NXPH1: variants seen among roughly 807,000 people sequenced by gnomAD.
NXPH1 encodes neurexophilin 1.
NXPH1 carries 5 observed loss-of-function variants against 23.7 expected under a neutral mutation model. The ratio of observed to expected loss-of-function variants is 0.21; its 90% confidence interval spans 0.11 to 0.44. NXPH1 has a LOEUF of 0.44. Ranked by LOEUF, NXPH1 falls within the 20% of genes least tolerant of loss-of-function variation. The probability of loss-of-function intolerance (pLI) is 0.99; values close to 1 mark genes in which losing one functional copy is unlikely to be tolerated. For synonymous variants in NXPH1, 144 were observed against 122.2 expected (o/e 1.18, Z -1.18); for missense variants, 324 against 321.6 (o/e 1.01, Z -0.06).
chr7:8,506,779 A>G (rs191317633), intron 2 of NXPH1, among the ~76,000 whole-genome samples: 2 of 152,174 alleles, frequency 1.3e-5, no homozygotes, highest in East Asian at 1.9e-4. Context: ...GTGAGGGCCA[A>G]TGCAGCAGAG....
intron 2 of NXPH1, among the ~76,000 whole-genome samples, chr7:8,693,197 A>G (rs1043569906): frequency 2.0e-5 from 3 of 152,174 alleles, no homozygotes; most frequent in African/African-American, 7.2e-5. Context: ...CAAAAACAAA[A>G]AAAACAAACC....
rs117229550 is a variant in NXPH1 at position 8,576,285 on chromosome 7, G to A, written c.54+140518G>A. 3.3e-4 allele frequency among the ~76,000 whole-genome samples: 51 copies of A among 152,278 alleles called. No individual in the cohort carries two copies. In the East Asian group the frequency reaches 9.7e-3, roughly 29 times the overall value. On this transcript the variant is annotated intron_variant, in intron 2 of 2. Transcript: ENST00000405863. ...TGTTGGGCACTGGGAGCACAATAAT[G>A]ACCAAAGTAGTCATCATCCATGCCC...
intron 2 of NXPH1, among the ~76,000 whole-genome samples, chr7:8,735,706 G>A (rs921482844): frequency 2.6e-5 from 4 of 152,156 alleles, no homozygotes; most frequent in African/African-American, 9.7e-5. Context: ...CATTTCAGAA[G>A]GAATGGTACC....
intron 2 of NXPH1, among the ~76,000 whole-genome samples, chr7:8,658,145 T>C (rs1820611246): frequency 6.6e-6 from 1 of 152,240 alleles, no homozygotes; most frequent in African/African-American, 2.4e-5. Context: ...GACCAGTATT[T>C]AGTGACTTCG....
At chr7:8,646,767 A>C (rs1820405262) in intron 2 of NXPH1, among the ~76,000 whole-genome samples, 2 of 152,110 alleles carry the variant, frequency 1.3e-5, no homozygotes, top group Non-Finnish European at 2.9e-5. Flanking sequence ...GACCCCAAAC[A>C]GTCCCTCTAT....
At chr7:8,640,247 C>T (rs1347249287) in intron 2 of NXPH1, among the ~76,000 whole-genome samples, 2 of 151,926 alleles carry the variant, frequency 1.3e-5, no homozygotes, top group African/African-American at 4.8e-5. Context: ...ATTTTAAATG[C>T]TTCTAAAGTT....
At chr7:8,717,937 A>G (rs1779904933) in intron 2 of NXPH1, among the ~76,000 whole-genome samples, 1 of 151,568 alleles carries the variant, frequency 6.6e-6, no homozygotes, top group South Asian at 2.1e-4. Context: ...ATGCATGTGT[A>G]TACATATACA....
At chr7:8,659,498 T>G (rs1056185902) in intron 2 of NXPH1, among the ~76,000 whole-genome samples, 2 of 152,016 alleles carry the variant, frequency 1.3e-5, no homozygotes, top group Non-Finnish European at 2.9e-5. Flanking sequence ...AACCAAACAC[T>G]GCATGTTCTC....
intron 2 of NXPH1, among the ~76,000 whole-genome samples, chr7:8,446,986 C>G (rs899210475): frequency 2.0e-5 from 3 of 151,978 alleles, no homozygotes; most frequent in African/African-American, 4.8e-5. Flanking sequence ...AGTGCCGTGA[C>G]TTATCAACTG....
chr7:8,583,318 A>C (rs1005725800), intron 2 of NXPH1, among the ~76,000 whole-genome samples: 3 of 152,212 alleles, frequency 2.0e-5, no homozygotes, highest in African/African-American at 7.2e-5. Flanking sequence ...AGAGTGTCTG[A>C]GTTTGAATCC....
intron 2 of NXPH1, among the ~76,000 whole-genome samples, chr7:8,733,610 A>G (rs944671122): frequency 3.3e-5 from 5 of 151,654 alleles, no homozygotes; most frequent in African/African-American, 1.2e-4. Context: ...GTGGTTTTTA[A>G]TTTGCATTTC....
intron 2 of NXPH1, among the ~76,000 whole-genome samples, chr7:8,678,971 C>T (rs189068117): frequency 0.014 from 989 of 73,046 alleles, no homozygotes; most frequent in Middle Eastern, 0.044. Context: ...TTTGTTGAGA[C>T]GGAGTCTCGC....
chr7:8,587,416 G>A (rs1819001231), intron 2 of NXPH1, among the ~76,000 whole-genome samples: 1 of 151,962 alleles, frequency 6.6e-6, no homozygotes, highest in Non-Finnish European at 1.5e-5. Flanking sequence ...GAGCTCAAGG[G>A]ATTCTTCCCA....
At chr7:8,643,052 A>T (rs1820343534) in intron 2 of NXPH1, among the ~76,000 whole-genome samples, 1 of 151,870 alleles carries the variant, frequency 6.6e-6, no homozygotes, top group South Asian at 2.1e-4. Context: ...TTTAGTTGAG[A>T]CAGGGTTTCA....
Position 8,435,468 on chromosome 7 carries a change from C to G in NXPH1, c.-110-136C>G. On this transcript the variant is annotated intron_variant, in intron 1 of 2. Transcript: ENST00000405863. This position sits in a 1 kb window ranked among gnomAD's most constrained non-coding sequence, Gnocchi z 5.9. Reference sequence around the variant, plus strand: ...TGGTCTCAGGCGCTGGATTTACTCGCTTTTCAATTTTTCGTACCCTCCCTC... The same window carrying G: ...TGGTCTCAGGCGCTGGATTTACTCGGTTTTCAATTTTTCGTACCCTCCCTC... 7.0e-6 allele frequency: 4 copies of G among 567,494 alleles called. No individual in the cohort carries two copies. The highest frequency in any genetic ancestry group is 1.3e-5 in the Non-Finnish European group (4 of 318,714). The allele number at this position is 567,494 out of a possible 1,614,324, so 35.2% of individuals were successfully genotyped here.
chr7:8,490,972 TGACA>T (rs1421652588), intron 2 of NXPH1, among the ~76,000 whole-genome samples: 2 of 152,098 alleles, frequency 1.3e-5, no homozygotes, highest in African/African-American at 4.8e-5. Flanking sequence ...GTAAATAGGT[TGACA>T]GACATTTTGA....
At chr7:8,663,234 C>A (rs542537059) in intron 2 of NXPH1, among the ~76,000 whole-genome samples, 1 of 152,134 alleles carries the variant, frequency 6.6e-6, no homozygotes, top group South Asian at 2.1e-4. Flanking sequence ...ATCAGGGTCC[C>A]CCATCGTTGA....
At chr7:8,548,533 G>A (rs1818229788) in intron 2 of NXPH1, among the ~76,000 whole-genome samples, 1 of 151,538 alleles carries the variant, frequency 6.6e-6, no homozygotes, top group African/African-American at 2.4e-5. Context: ...GAGAGATAGA[G>A]GGATATTCAG....
At chr7:8,617,242 T>G (rs1583195916) in intron 2 of NXPH1, among the ~76,000 whole-genome samples, 1 of 152,056 alleles carries the variant, frequency 6.6e-6, no homozygotes, top group South Asian at 2.1e-4. Flanking sequence ...TCAAGAACTC[T>G]CTTCATGAGG....
Sources: allele counts gnomAD v4.1 joint callset (sites outside exome capture counted in the v4.1 genomes callset), GRCh38; gene constraint gnomAD v4.1.1; non-coding constraint Gnocchi (gnomAD v3.1); transcripts MANE v1.5; gene names NCBI Gene and HGNC (gene_info 2026-07-23, HGNC 2026-07-21).